Variants in HEATR5B observed in about 807,000 individuals in gnomAD.
The protein encoded by HEATR5B is HEAT repeat containing 5B.
In HEATR5B, 156 loss-of-function variants were observed where a neutral mutation model predicts 224.1. That is an observed-to-expected ratio of 0.70 (90% confidence interval 0.61 to 0.80). The LOEUF (loss-of-function observed/expected upper bound fraction) is 0.80. Ranked by LOEUF, HEATR5B falls within the 30% of genes least tolerant of loss-of-function variation. The pLI, the probability that HEATR5B is intolerant of heterozygous loss-of-function variation, is 0.00. For missense variants in HEATR5B, 2,323 were observed against 2,535.5 expected (o/e 0.92, Z 1.80); for synonymous variants, 1,027 against 893.0 (o/e 1.15, Z -2.68).
chr2:37,073,401 G>A (rs1319565359), intron 5 of HEATR5B, among the ~76,000 whole-genome samples: 3 of 152,002 alleles, frequency 2.0e-5, no homozygotes, highest in African/African-American at 4.8e-5. Context: ...ATGCCACCAC[G>A]CCTGGCTAAT....
intron 21 of HEATR5B, among the ~76,000 whole-genome samples, chr2:37,037,145 G>GAT (rs1553431138): frequency 0.013 from 1,190 of 89,158 alleles, 154 homozygotes; most frequent in African/African-American, 0.039. Context: ...CTAAAAATGT[G>GAT]ATATATATAT....
chr2:37,021,546 G>C (rs181651928), intron 24 of HEATR5B, among the ~76,000 whole-genome samples: 1 of 152,118 alleles, frequency 6.6e-6, no homozygotes, highest in Non-Finnish European at 1.5e-5. Context: ...TGGCCAATGC[G>C]TAACTGACTT....
intron 33 of HEATR5B, among the ~76,000 whole-genome samples, chr2:36,994,102 T>C: frequency 6.6e-6 from 1 of 152,226 alleles, no homozygotes; most frequent in Non-Finnish European, 1.5e-5. Flanking sequence ...AATAGAGTCA[T>C]GATGACTTCA....
chr2:37,034,756 T>C (rs1669372998), intron 21 of HEATR5B, among the ~76,000 whole-genome samples: 2 of 152,118 alleles, frequency 1.3e-5, no homozygotes, highest in South Asian at 2.1e-4. Flanking sequence ...CAAGGTCTCA[T>C]TATATTGCCC....
At chr2:37,061,062 T>C (rs1671252769) in intron 11 of HEATR5B, among the ~76,000 whole-genome samples, 3 of 152,190 alleles carry the variant, frequency 2.0e-5, no homozygotes, top group African/African-American at 7.2e-5. Context: ...GATTGCATAT[T>C]ATCAATAAAA....
chr2:37,017,687 C>CAAAAAA (rs1056240189), intron 26 of HEATR5B, among the ~76,000 whole-genome samples: 35 of 61,578 alleles, frequency 5.7e-4, no homozygotes, highest in East Asian at 8.0e-4. Flanking sequence ...AATTCCGTCT[C>CAAAAAA]AAAAAAAAAA....
chr2:36,984,462 G>C (rs2148314940), intron 35 of HEATR5B, among the ~76,000 whole-genome samples: 1 of 151,756 alleles, frequency 6.6e-6, no homozygotes, highest in South Asian at 2.1e-4. Context: ...GGAATACTTT[G>C]GGATTTTATT....
chr2:36,982,762 G>A (rs1665664994), intron 35 of HEATR5B, among the ~76,000 whole-genome samples: 1 of 151,338 alleles, frequency 6.6e-6, no homozygotes, highest in Non-Finnish European at 1.5e-5. Context: ...ATCAATTCCT[G>A]CATCTAACTA....
chr2:37,081,288 G>GTA (rs1230424871), intron 2 of HEATR5B, among the ~76,000 whole-genome samples: 1 of 152,080 alleles, frequency 6.6e-6, no homozygotes, highest in African/African-American at 2.4e-5. Flanking sequence ...TGCTACATAT[G>GTA]TATACATGTG....
rs1475278602 is a variant in HEATR5B at position 37,068,538 on chromosome 2, T to C, written c.1177+143A>G. On this transcript the variant is annotated intron_variant, in intron 8 of 35. Transcript: ENST00000233099. ...TTTCACTGTAATTATGTGATTTTAA[T>C]ATCAAATAAGAGTACTCAATAAAAA... 6.1e-6 allele frequency: 5 copies of C among 825,702 alleles called. No individual in the cohort carries two copies. In the African/African-American group the frequency reaches 8.7e-5, roughly 14 times the overall value. 51.1% of individuals were successfully genotyped at this position (825,702 alleles called of 1,614,324 possible). A position where few individuals can be genotyped will look rare whatever the true frequency, so the allele number is the denominator to read the frequency against.
intron 31 of HEATR5B, among the ~76,000 whole-genome samples, 189 bp downstream of exon 31, chr2:37,003,353 C>T (rs1331254818): frequency 6.6e-6 from 1 of 150,958 alleles, no homozygotes; most frequent in Non-Finnish European, 1.5e-5. Context: ...CAGGAGGATC[C>T]TAAGCCCAGG....
intron 20 of HEATR5B, among the ~76,000 whole-genome samples, chr2:37,038,906 GT>G (rs1558329044): frequency 4.0e-5 from 5 of 124,028 alleles, no homozygotes; most frequent in Non-Finnish European, 7.0e-5. Flanking sequence ...TCTCCCTGGG[GT>G]GGGGGGGGTG....
At chr2:37,080,491 G>A (rs1023583810) in intron 2 of HEATR5B, among the ~76,000 whole-genome samples, 4 of 152,120 alleles carry the variant, frequency 2.6e-5, no homozygotes, top group African/African-American at 9.7e-5. Flanking sequence ...GGATTTGCTG[G>A]TGAATACAAC....
intron 34 of HEATR5B, among the ~76,000 whole-genome samples, chr2:36,989,515 T>C (rs1666178088): frequency 6.6e-6 from 1 of 152,208 alleles, no homozygotes; most frequent in Non-Finnish European, 1.5e-5. Flanking sequence ...GGTTAAATAT[T>C]TGAATGATCT....
At position 37,065,928 on chromosome 2, in the gene HEATR5B, T is replaced by C. The variant is rs927654083; in HGVS notation, c.1178-18A>G. 6.3e-7 allele frequency: 1 copy of C among 1,593,514 alleles called. No individual in the cohort carries two copies. Among genetic ancestry groups the C allele is most frequent in the African/African-American group, 1.3e-5 (1 of 74,588 alleles). On this transcript the variant is annotated intron_variant, in intron 8 of 35. Coordinates refer to ENST00000233099, the MANE Select transcript of HEATR5B (RefSeq NM_019024.3). Reference sequence around the variant, plus strand: ...TACTGCTTCTGGAAACACAAAATCATGTCTTTGACATAGGAGAAATGAATT... The same window carrying C: ...TACTGCTTCTGGAAACACAAAATCACGTCTTTGACATAGGAGAAATGAATT...
chr2:36,981,559 C>T lies in HEATR5B; in HGVS notation c.6147G>A (p.Ala2049=), dbSNP rs137858323. 7.1e-5 allele frequency: 114 copies of T among 1,614,022 alleles called. 1 individual carries two copies. Among genetic ancestry groups the T allele is most frequent in the Non-Finnish European group, 8.6e-5 (102 of 1,180,036 alleles). Residue 2049 remains alanine, a synonymous_variant, in exon 36 of 36, where the codon GCG becomes GCA. Transcript: ENST00000233099. ...VRASQASKAK[A]AARQPAPAIH... ...TGGCGGGGGCTGGTTGTCTGGCAGC[C>T]GCTTTAGCTTTGCTCGCTTGGCTTG...
At chr2:37,006,509 C>T (rs923759584) in intron 29 of HEATR5B, among the ~76,000 whole-genome samples, 5 of 152,254 alleles carry the variant, frequency 3.3e-5, no homozygotes, top group East Asian at 1.9e-4. Context: ...GGCGTGGTGG[C>T]GCATGCCCAT....
At chr2:37,007,361 T>G (rs1174687447) in intron 28 of HEATR5B, 57 bp from the exon 29 acceptor site, 1 of 1,390,394 alleles carries the variant, frequency 7.2e-7, no homozygotes, top group Non-Finnish European at 9.5e-7. Context: ...TTTTTTTTTT[T>G]GAGACCAAGT....
Position 37,041,284 on chromosome 2 carries a change from G to A in HEATR5B, c.2705C>T (p.Ser902Leu), listed in dbSNP as rs374261799. Residue 902 changes from serine (S) to leucine (L), a missense_variant, in exon 19 of 36, where the codon TCG becomes TTG. Transcript: ENST00000233099. Reference sequence around the variant, plus strand: ...AGTCCTAGATACAACATCTCGAGCCGATTTCAACCTGAAAAAAAGATTATG... The same window carrying A: ...AGTCCTAGATACAACATCTCGAGCCAATTTCAACCTGAAAAAAAGATTATG... ...MAQYSFDKLK[S>L]ARDVVSRTGH... 1.4e-5 allele frequency: 22 copies of A among 1,613,196 alleles called. No homozygotes were observed. Among genetic ancestry groups the A allele is most frequent in the Non-Finnish European group, 1.7e-5 (20 of 1,179,602 alleles).
Sources: allele counts gnomAD v4.1 joint callset (sites outside exome capture counted in the v4.1 genomes callset), GRCh38; gene constraint gnomAD v4.1.1; transcripts MANE v1.5; gene names NCBI Gene and HGNC (gene_info 2026-07-23, HGNC 2026-07-21).